Variants in NDFIP1 observed in about 807,000 individuals in gnomAD.
NDFIP1 encodes Nedd4 family interacting protein 1, also known as NEDD4 family-interacting protein 1.
A neutral mutation model predicts 28.8 loss-of-function variants in NDFIP1; 7 were observed. That is an observed-to-expected ratio of 0.24 (90% CI 0.14 to 0.46). NDFIP1 has a LOEUF of 0.46. Among genes scored for constraint, NDFIP1 ranks in the 20% least tolerant of loss-of-function variants. The probability of loss-of-function intolerance (pLI) is 0.99; values close to 1 mark genes in which losing one functional copy is unlikely to be tolerated. For missense variants in NDFIP1, 194 were observed against 269.1 expected, an observed-to-expected ratio of 0.72 and a Z score of 1.95; for synonymous variants, 92 against 101.0, an observed-to-expected ratio of 0.91 and a Z score of 0.53.
intron 6 of NDFIP1, among the ~76,000 whole-genome samples, chr5:142,141,583 TTA>T (rs1757332605): frequency 6.6e-6 from 1 of 152,194 alleles, no homozygotes; most frequent in Non-Finnish European, 1.5e-5. Flanking sequence ...GGCTTCTTGA[TTA>T]TATGTAAAGA....
At chr5:142,120,824 G>C (rs1305845369) in intron 1 of NDFIP1, among the ~76,000 whole-genome samples, 2 of 152,220 alleles carry the variant, frequency 1.3e-5, no homozygotes, top group Admixed American at 6.5e-5. Context: ...TAACAGGAAA[G>C]GTATTAAATG....
intron 1 of NDFIP1, among the ~76,000 whole-genome samples, chr5:142,128,149 C>CTT (rs1757189184): frequency 6.6e-6 from 1 of 152,134 alleles, no homozygotes; most frequent in South Asian, 2.1e-4. Flanking sequence ...ATCTGTCTCT[C>CTT]TGAGTATCCC....
rs58675610 is a variant in NDFIP1, at chr5:142,148,037, C to A, written c.*2+3361C>A. Among the ~76,000 whole-genome samples the A allele has an allele frequency of 4.3e-3, 654 of 152,276 alleles. 7 individuals carry two copies. Among genetic ancestry groups the A allele is most frequent in the African/African-American group, 0.015 (632 of 41,554 alleles). ...CAATTAAAAGGTAGCTGAAGAAAGA[C>A]ACAGGTAGGGAATTTTTAAAATAAC... On this transcript the variant is annotated intron_variant, in intron 7 of 7. Coordinates refer to ENST00000253814, the MANE Select transcript of NDFIP1 (RefSeq NM_030571.4).
chr5:142,132,368 G>A (rs1488408176), intron 3 of NDFIP1, 26 bp downstream of exon 3: 2 of 1,603,938 alleles, frequency 1.2e-6, no homozygotes, highest in South Asian at 2.3e-5. Flanking sequence ...CATGTTACTT[G>A]ATGGCTGCTC....
chr5:142,129,799 C>G (rs1757207346), intron 1 of NDFIP1, among the ~76,000 whole-genome samples: 1 of 150,930 alleles, frequency 6.6e-6, no homozygotes, highest in African/African-American at 2.4e-5. Flanking sequence ...GTAGTCCCAG[C>G]TACTTGGAGT....
chr5:142,123,205 G>T (rs2043282), intron 1 of NDFIP1, among the ~76,000 whole-genome samples: 7 of 152,208 alleles, frequency 4.6e-5, no homozygotes, highest in African/African-American at 1.7e-4. Context: ...TCAAGTGATC[G>T]TCCCACCTCG....
intron 5 of NDFIP1, among the ~76,000 whole-genome samples, chr5:142,139,212 T>C (rs1425421335): frequency 1.4e-5 from 2 of 144,640 alleles, no homozygotes; most frequent in Non-Finnish European, 3.0e-5. Context: ...AGAGCGAGAC[T>C]CCTTCTCAAA....
intron 1 of NDFIP1, among the ~76,000 whole-genome samples, chr5:142,121,257 G>A (rs1415474679): frequency 6.6e-6 from 1 of 152,192 alleles, no homozygotes; most frequent in African/African-American, 2.4e-5. Flanking sequence ...GCTAAGTGCT[G>A]TAGGTTGAAT....
intron 1 of NDFIP1, among the ~76,000 whole-genome samples, chr5:142,121,742 A>C (rs1192122534): frequency 6.6e-6 from 1 of 152,242 alleles, no homozygotes; most frequent in Non-Finnish European, 1.5e-5. Flanking sequence ...GGCTACATGC[A>C]TAGCCTGTGA....
chr5:142,140,674 A>C (rs1020043683), intron 6 of NDFIP1, 45 bp downstream of exon 6: 1 of 1,479,146 alleles, frequency 6.8e-7, no homozygotes, highest in African/African-American at 1.4e-5. Context: ...CATTACATTA[A>C]ATTTTATAAG....
At chr5:142,116,899 T>C (rs7712237) in intron 1 of NDFIP1, among the ~76,000 whole-genome samples, 101,300 of 151,300 alleles carry the variant, frequency 0.67, 34,193 homozygotes, top group African/African-American at 0.76. Context: ...TTAGTAGAGA[T>C]GGGGTTTCAC....
chr5:142,150,016 C>T (rs1344906957), intron 7 of NDFIP1, among the ~76,000 whole-genome samples: 1 of 152,006 alleles, frequency 6.6e-6, no homozygotes, highest in Non-Finnish European at 1.5e-5. Context: ...CCCGTCTCTA[C>T]TAAAAATACA....
intron 7 of NDFIP1, among the ~76,000 whole-genome samples, chr5:142,147,871 A>G (rs149765555): frequency 0.015 from 2,227 of 152,320 alleles, 28 homozygotes; most frequent in Middle Eastern, 0.088. Flanking sequence ...GAAGCCATCA[A>G]AAGGATCAGA....
At position 142,145,167 on chromosome 5, in the gene NDFIP1, A is replaced by G. The variant is rs575594240; in HGVS notation, c.*2+491A>G. 2.8e-3 allele frequency among the ~76,000 whole-genome samples: 420 copies of G among 152,276 alleles called. 1 individual carries two copies. Among genetic ancestry groups the G allele is most frequent in the African/African-American group, 9.7e-3 (402 of 41,534 alleles). On this transcript the variant is annotated intron_variant, in intron 7 of 7. Transcript: ENST00000253814. The stretch of plus-strand genomic sequence containing the variant: ...AAGTCTTCCATCTTTTAAAATTGTC[A>G]TTGAGGCTTTCCCCATGGCTTTCTT...
At chr5:142,116,705 T>C (rs1463717763) in intron 1 of NDFIP1, among the ~76,000 whole-genome samples, 1 of 151,818 alleles carries the variant, frequency 6.6e-6, no homozygotes, top group African/African-American at 2.4e-5. Flanking sequence ...CTCTTCTTTT[T>C]TATTTATTTA....
chr5:142,144,519 G>A, intron 6 of NDFIP1, 52 bp from the exon 7 acceptor site: 6 of 1,314,256 alleles, frequency 4.6e-6, no homozygotes, highest in Non-Finnish European at 6.5e-6. Flanking sequence ...CTGGGGAGGG[G>A]ACTTAACATG....
chr5:142,108,926 C>G lies in NDFIP1; in HGVS notation c.-49C>G. The G allele has an allele frequency of 7.1e-7, 1 of 1,400,348 alleles. No individual in the cohort carries two copies. The highest frequency in any genetic ancestry group is 9.3e-7 in the Non-Finnish European group (1 of 1,076,552). 86.7% of individuals were successfully genotyped at this position (1,400,348 alleles called of 1,614,324 possible). ...CTCCCAAGCCGCAGCGGCCGCGCCC[C>G]TTCAGCTAGCTCGCTCGCTCGCTCT... On this transcript the variant is annotated 5_prime_UTR_variant, in exon 1 of 8. Transcript: ENST00000253814.
chr5:142,111,787 C>T (rs1466454364), intron 1 of NDFIP1, among the ~76,000 whole-genome samples: 1 of 152,226 alleles, frequency 6.6e-6, no homozygotes, highest in African/African-American at 2.4e-5. Context: ...GTAGGCTCAA[C>T]CAGGTGTGGT....
At chr5:142,148,491 CT>C (rs1346490076) in intron 7 of NDFIP1, among the ~76,000 whole-genome samples, 1 of 152,156 alleles carries the variant, frequency 6.6e-6, no homozygotes, top group Non-Finnish European at 1.5e-5. Flanking sequence ...TGGCTCACGC[CT>C]GTAATCCCAG....
Sources: gnomAD v4.1 joint callset for allele counts (sites outside exome capture counted in the v4.1 genomes callset) on GRCh38, gnomAD v4.1.1 for gene constraint, MANE v1.5 for transcripts, NCBI Gene and HGNC (gene_info 2026-07-23, HGNC 2026-07-21) for gene names.